Variants in TMA16 observed in about 807,000 individuals in gnomAD.
The protein encoded by TMA16 is translation machinery associated 16 homolog, also known as translation machinery-associated protein 16.
A neutral mutation model predicts 27.1 loss-of-function variants in TMA16; 26 were observed. The ratio of observed to expected loss-of-function variants is 0.96; its 90% CI spans 0.70 to 1.33. TMA16 has a LOEUF of 1.33. Among genes scored for constraint, TMA16 ranks in the 40% most tolerant of loss-of-function variants. The pLI is 0.00. For synonymous variants in TMA16, 71 were observed against 81.9 expected, an observed-to-expected ratio of 0.87 and a Z score of 0.72; for missense variants, 233 against 241.4, an observed-to-expected ratio of 0.97 and a Z score of 0.23.
rs540842296 is a variant in TMA16, at chr4:163,517,578, G to A, written c.431+102G>A. On this transcript the variant is annotated intron_variant, in intron 6 of 6. Transcript: ENST00000358572. ...TAGCCGGTAGAACTAAAAGAAAATC[G>A]GGTTTCTTTTAACCTTTTCTTTTTT... The A allele has an allele frequency of 1.1e-4, 132 of 1,148,438 alleles. 2 individuals carry two copies. The Admixed American group carries it at 1.8e-3, about 15-fold the overall frequency. 71.1% of individuals were successfully genotyped at this position (1,148,438 alleles called of 1,614,324 possible).
chr4:163,510,773 G>C (rs1737781363), intron 2 of TMA16, among the ~76,000 whole-genome samples: 1 of 152,176 alleles, frequency 6.6e-6, no homozygotes, highest in Admixed American at 6.5e-5. Context: ...GGTTCCTTTT[G>C]TGTTTTCTAT....
At chr4:163,511,878 TC>T (rs1291130020) in intron 2 of TMA16, among the ~76,000 whole-genome samples, 1 of 152,156 alleles carries the variant, frequency 6.6e-6, no homozygotes, top group Non-Finnish European at 1.5e-5. Context: ...TCTCCAGTTT[TC>T]TAGTTGTGTA....
chr4:163,509,392 A>G (rs569487641), intron 2 of TMA16, among the ~76,000 whole-genome samples: 1 of 152,340 alleles, frequency 6.6e-6, no homozygotes, highest in Non-Finnish European at 1.5e-5. Context: ...CAGTTACCAG[A>G]TGTTGTTTTA....
At chr4:163,509,654 T>G (rs1443287204) in intron 2 of TMA16, among the ~76,000 whole-genome samples, 1 of 152,178 alleles carries the variant, frequency 6.6e-6, no homozygotes, top group Non-Finnish European at 1.5e-5. Flanking sequence ...TGGATAACAA[T>G]GCTAGAGTAA....
In TMA16 at chr4:163,512,859, G is replaced by T. The variant is rs1737818301; in HGVS notation, c.154G>T (p.Gly52Cys). 1 of 1,605,510 alleles carries T rather than the reference G, an allele frequency of 6.2e-7. No homozygotes were observed. Among genetic ancestry groups the T allele is most frequent in the Admixed American group, 1.7e-5 (1 of 59,774 alleles). Reference sequence around the variant, plus strand: ...AAAGGCCTTGCGTCTCAACCTTGTTGGTAAGTGGGTTTACTTATTTGAAAC... The same window carrying T: ...AAAGGCCTTGCGTCTCAACCTTGTTTGTAAGTGGGTTTACTTATTTGAAAC... ...NEKALRLNLV[G>C]EKLQWFQNHL... Residue 52 changes from glycine to cysteine, a missense_variant and splice_region_variant, in exon 3 of 7, where the codon GGT (glycine) becomes TGT (cysteine). By Grantham distance (159) the Gly-to-Cys change is radical (BLOSUM62 -3). Coordinates refer to ENST00000358572, the MANE Select transcript of TMA16 (RefSeq NM_018352.3).
chr4:163,509,958 T>C (rs1478274408), intron 2 of TMA16, among the ~76,000 whole-genome samples: 4 of 152,240 alleles, frequency 2.6e-5, no homozygotes, highest in Non-Finnish European at 5.9e-5. Context: ...TTAATCTTAT[T>C]GATTCTCTTT....
intron 5 of TMA16, 198 bp from the exon 6 acceptor site, chr4:163,517,236 A>G: frequency 1.7e-6 from 1 of 584,824 alleles, no homozygotes; most frequent in Non-Finnish European, 3.0e-6. Flanking sequence ...ATTCTATGCT[A>G]GAATTTATCA....
chr4:163,498,412 C>T (rs1737594606), intron 1 of TMA16, among the ~76,000 whole-genome samples: 2 of 151,718 alleles, frequency 1.3e-5, no homozygotes, highest in South Asian at 4.2e-4. Context: ...CTCAGCCTCC[C>T]GAGTAGCTGG....
At chr4:163,504,351 A>G (rs1056631069) in intron 1 of TMA16, among the ~76,000 whole-genome samples, 2 of 152,158 alleles carry the variant, frequency 1.3e-5, no homozygotes, top group Admixed American at 1.3e-4. Flanking sequence ...GGCTTAAACC[A>G]ATATTTATGA....
At chr4:163,498,244 A>G (rs1238367658) in intron 1 of TMA16, among the ~76,000 whole-genome samples, 5 of 134,968 alleles carry the variant, frequency 3.7e-5, no homozygotes, top group Non-Finnish European at 7.9e-5. Flanking sequence ...ACACGTGTAA[A>G]TATGTCTGTA....
intron 5 of TMA16, 189 bp downstream of exon 5, chr4:163,515,650 C>T: frequency 8.5e-6 from 5 of 589,724 alleles, no homozygotes. Context: ...ACAAAACTAT[C>T]AAGTTTGTGA....
chr4:163,513,724 TAATG>T (rs1228555697), intron 3 of TMA16, among the ~76,000 whole-genome samples: 1 of 152,232 alleles, frequency 6.6e-6, no homozygotes, highest in Non-Finnish European at 1.5e-5. Flanking sequence ...TTCTCATCAT[TAATG>T]GAGTTTTCAT....
intron 2 of TMA16, among the ~76,000 whole-genome samples, chr4:163,508,326 G>T (rs1415596932): frequency 2.6e-5 from 4 of 152,116 alleles, no homozygotes; most frequent in Non-Finnish European, 5.9e-5. Context: ...TGGCTTAAGG[G>T]TTTCCACTTC....
At chr4:163,495,712 G>A (rs77496598) in intron 1 of TMA16, among the ~76,000 whole-genome samples, 1,658 of 152,092 alleles carry the variant, frequency 0.011, 26 homozygotes, top group African/African-American at 0.036. Context: ...CCACAATGTG[G>A]CCTCTTTGTT....
At chr4:163,514,995 G>A (rs898115033) in intron 4 of TMA16, among the ~76,000 whole-genome samples, 1 of 152,026 alleles carries the variant, frequency 6.6e-6, no homozygotes, top group African/African-American at 2.4e-5. Context: ...GGTTTGGTGG[G>A]GGGTAGGTGG....
intron 3 of TMA16, among the ~76,000 whole-genome samples, chr4:163,513,234 G>A (rs187819631): frequency 3.5e-4 from 54 of 152,236 alleles, no homozygotes; most frequent in Admixed American, 8.5e-4. Context: ...CACATCTTCA[G>A]TTTGTATCTC....
chr4:163,510,228 A>C (rs971972637), intron 2 of TMA16, among the ~76,000 whole-genome samples: 1 of 152,162 alleles, frequency 6.6e-6, no homozygotes, highest in Non-Finnish European at 1.5e-5. Context: ...TTTAAGATCA[A>C]CTTTGGGGTA....
chr4:163,514,397 G>A lies in TMA16; in HGVS notation c.239+239G>A, dbSNP rs1028002371. ...TCCTGGAGAAGTGTCATCTAAACTG[G>A]CAGCTGAAAGGTGGGGGTTAGCAGA... is the stretch of plus-strand genomic sequence containing the variant. On this transcript the variant is annotated intron_variant, in intron 4 of 6. Transcript: ENST00000358572. Among the ~76,000 whole-genome samples the A allele has an allele frequency of 2.6e-5, 4 of 152,178 alleles. 1 individual carries two copies. The East Asian group carries it at 7.7e-4, about 29-fold the overall frequency.
At chr4:163,513,747 T>G (rs1336635713) in intron 3 of TMA16, among the ~76,000 whole-genome samples, 1 of 152,210 alleles carries the variant, frequency 6.6e-6, no homozygotes, top group Non-Finnish European at 1.5e-5. Flanking sequence ...ATTTTATTAT[T>G]TTTGACAAGC....
Sources: allele counts gnomAD v4.1 joint callset (sites outside exome capture counted in the v4.1 genomes callset), GRCh38; gene constraint gnomAD v4.1.1; transcripts MANE v1.5; gene names NCBI Gene and HGNC (gene_info 2026-07-23, HGNC 2026-07-21).